PPM1B: variants seen among roughly 807,000 people sequenced by gnomAD.
The protein encoded by PPM1B is protein phosphatase 1B.
PPM1B carries 22 observed loss-of-function variants against 43.0 expected under a neutral mutation model. The ratio of observed to expected loss-of-function variants is 0.51; its 90% CI spans 0.37 to 0.73. PPM1B has a LOEUF of 0.73. Among genes scored for constraint, PPM1B ranks in the 30% least tolerant of loss-of-function variants. The pLI, the probability that PPM1B is intolerant of heterozygous loss-of-function variation, is 0.00. For missense variants in PPM1B, 632 were observed against 584.2 expected, an observed-to-expected ratio of 1.08 and a Z score of -0.84; for synonymous variants, 217 against 197.9, an observed-to-expected ratio of 1.10 and a Z score of -0.81.
intron 5 of PPM1B, among the ~76,000 whole-genome samples, chr2:44,224,234 T>A (rs1467499341): frequency 1.3e-5 from 2 of 152,108 alleles, no homozygotes; most frequent in East Asian, 3.9e-4. Context: ...GGTGGGCGGA[T>A]CACAAGGTCA....
At chr2:44,208,175 A>G (rs959735524) in intron 2 of PPM1B, among the ~76,000 whole-genome samples, 3 of 151,996 alleles carry the variant, frequency 2.0e-5, no homozygotes, top group Non-Finnish European at 4.4e-5. Context: ...GGCGTGAGCC[A>G]CCGTGCCCAG....
At chr2:44,224,322 G>A (rs981192937) in intron 5 of PPM1B, among the ~76,000 whole-genome samples, 7 of 151,942 alleles carry the variant, frequency 4.6e-5, no homozygotes, top group Non-Finnish European at 5.9e-5. Context: ...GGGCGTGGTG[G>A]CGGGCGCCTG....
In PPM1B at chr2:44,201,629, A is replaced by G. The variant is rs1308334588; in HGVS notation, c.430A>G (p.Ile144Val). ...AVGVMISPKHIYFINCGDSRA... is the reference protein window; with the variant it reads ...AVGVMISPKHVYFINCGDSRA... ...GGGAGTTATGATTTCACCTAAGCAT[A>G]TCTACTTTATCAACTGTGGTGATTC... Residue 144 changes from isoleucine to valine, a missense_variant, in exon 2 of 6, where the codon ATC (isoleucine) becomes GTC (valine). By Grantham distance (29) the Ile-to-Val change is conservative. Coordinates refer to ENST00000282412, the MANE Select transcript of PPM1B (RefSeq NM_002706.6). The surrounding 1 kb of genome is among the most constrained non-coding windows in gnomAD (Gnocchi z 5.4). 1.2e-6 allele frequency: 2 copies of G among 1,614,182 alleles called. No homozygotes were observed. The highest frequency in any genetic ancestry group is 1.7e-6 in the Non-Finnish European group (2 of 1,180,026).
intron 5 of PPM1B, among the ~76,000 whole-genome samples, chr2:44,221,374 G>C (rs1159460111): frequency 1.3e-5 from 2 of 152,112 alleles, no homozygotes; most frequent in Non-Finnish European, 2.9e-5. Flanking sequence ...CAGAAGGAGA[G>C]AGAATGAAGA....
At chr2:44,242,280 G>A (rs1398196519) in intron 5 of PPM1B, among the ~76,000 whole-genome samples, 1 of 151,918 alleles carries the variant, frequency 6.6e-6, no homozygotes, top group Non-Finnish European at 1.5e-5. Flanking sequence ...AATATGATAG[G>A]TACAATTTAT....
chr2:44,193,442 C>T (rs1245453776), intron 1 of PPM1B, among the ~76,000 whole-genome samples: 1 of 151,802 alleles, frequency 6.6e-6, no homozygotes, highest in Non-Finnish European at 1.5e-5. Flanking sequence ...CACTCTGTTA[C>T]CCAGGCTGAA....
chr2:44,217,298 C>G (rs1669766838), intron 3 of PPM1B, among the ~76,000 whole-genome samples: 2 of 151,588 alleles, frequency 1.3e-5, no homozygotes, highest in Admixed American at 1.3e-4. Flanking sequence ...ACTCGGGAGG[C>G]TGAGGCAGGA....
chr2:44,206,926 C>G (rs1022701488), intron 2 of PPM1B, among the ~76,000 whole-genome samples: 23 of 152,056 alleles, frequency 1.5e-4, no homozygotes, highest in African/African-American at 5.6e-4. Context: ...GCTTGAACTG[C>G]CCTTATGACA....
Position 44,201,522 on chromosome 2 carries a change from C to T in PPM1B, c.323C>T (p.Thr108Ile). 1.2e-6 allele frequency: 2 copies of T among 1,614,176 alleles called. No homozygotes were observed. Among genetic ancestry groups the T allele is most frequent in the Non-Finnish European group, 1.7e-6 (2 of 1,180,026 alleles). ...SVENVKNGIRTGFLKIDEYMR... is the reference protein window; with the variant it reads ...SVENVKNGIRIGFLKIDEYMR... ...GAAAATGTTAAGAATGGTATCAGAA[C>T]TGGATTTTTGAAAATTGATGAATAC... is the stretch of plus-strand genomic sequence containing the variant. Residue 108 changes from threonine (T) to isoleucine (I), a missense_variant, in exon 2 of 6, where the codon ACT (threonine) becomes ATT (isoleucine). This residue lies in a region of PPM1B where 200 missense variants were observed against 200.7 expected (regional missense o/e 1.00). Transcript: ENST00000282412. This position sits in a 1 kb window ranked among gnomAD's most constrained non-coding sequence, Gnocchi z 5.4.
At position 44,209,515 on chromosome 2, in the gene PPM1B, C is replaced by T. The variant is rs748837480; in HGVS notation, c.964+188C>T. 2.0e-5 allele frequency: 12 copies of T among 587,684 alleles called. No individual in the cohort carries two copies. The South Asian group carries it at 2.7e-4, about 13-fold the overall frequency. The allele number at this position is 587,684 out of a possible 1,614,324, so 36.4% of individuals were successfully genotyped here. On this transcript the variant is annotated intron_variant, in intron 3 of 5. Coordinates refer to ENST00000282412, the MANE Select transcript of PPM1B (RefSeq NM_002706.6). The stretch of plus-strand genomic sequence containing the variant: ...AAAATTTCCTGGTCAGGCGCAGTGG[C>T]TCACACCTGTAATCCCAGCACTTTG...
intron 1 of PPM1B, among the ~76,000 whole-genome samples, chr2:44,172,827 A>G (rs1005710966): frequency 2.6e-5 from 4 of 152,166 alleles, no homozygotes; most frequent in African/African-American, 9.7e-5. Context: ...GGATCGCTTG[A>G]GCCAGGGAGG....
downstream of PPM1B, chr2:44,233,503 G>A (rs1188354534): frequency 2.0e-6 from 2 of 985,034 alleles, no homozygotes; most frequent in Non-Finnish European, 2.4e-6. Context: ...TCTGAAAGAA[G>A]TTTCTGGGTT....
intron 1 of PPM1B, among the ~76,000 whole-genome samples, chr2:44,199,497 T>C (rs1668831095): frequency 6.6e-6 from 1 of 152,054 alleles, no homozygotes; most frequent in Non-Finnish European, 1.5e-5. Flanking sequence ...GAAAGAAAAG[T>C]GATTTAGTAA....
At chr2:44,211,768 T>A (rs1669479154) in intron 3 of PPM1B, among the ~76,000 whole-genome samples, 1 of 57,914 alleles carries the variant, frequency 1.7e-5, no homozygotes, top group African/African-American at 7.4e-5. Flanking sequence ...TTTTTTTTTA[T>A]GATGGAGTTT....
At chr2:44,205,354 G>GGTGTGTGTGTCGGTGTGTGTGTGTGTGT (rs1553333036) in intron 2 of PPM1B, among the ~76,000 whole-genome samples, 5 of 91,720 alleles carry the variant, frequency 5.5e-5, no homozygotes, top group South Asian at 3.9e-4. Context: ...TGTGGGTGTG[G>GGTGTGTGTGTCGGTGTGTGTGTGTGTGT]GTGTGTGTGT....
chr2:44,224,363 G>T (rs112689657), intron 5 of PPM1B, among the ~76,000 whole-genome samples: 12 of 151,540 alleles, frequency 7.9e-5, no homozygotes, highest in African/African-American at 2.2e-4. Context: ...GCTGAGGCAG[G>T]AGAATGGCGT....
intron 3 of PPM1B, among the ~76,000 whole-genome samples, chr2:44,212,206 G>A (rs1241125120): frequency 1.3e-5 from 2 of 152,090 alleles, no homozygotes; most frequent in African/African-American, 2.4e-5. Flanking sequence ...TTGTTGTAGC[G>A]TCTTTTTGTC....
At chr2:44,181,362 G>A (rs574221645) in intron 1 of PPM1B, among the ~76,000 whole-genome samples, 2 of 152,080 alleles carry the variant, frequency 1.3e-5, no homozygotes, top group East Asian at 3.9e-4. Context: ...TAGAGCCTAG[G>A]CATGACAAAT....
At chr2:44,233,594 T>TTG (rs1357939995), downstream of PPM1B, 25 of 985,748 alleles carry the variant, frequency 2.5e-5, no homozygotes, top group Non-Finnish European at 2.9e-5. Flanking sequence ...TATGTTTAAA[T>TTG]TGTGTTTCAG....
Sources: allele counts gnomAD v4.1 joint callset (sites outside exome capture counted in the v4.1 genomes callset), GRCh38; gene constraint gnomAD v4.1.1; regional missense constraint gnomAD v4.1.1; non-coding constraint Gnocchi (gnomAD v3.1); transcripts MANE v1.5; gene names NCBI Gene and HGNC (gene_info 2026-07-23, HGNC 2026-07-21).